The following TOX3 variants were observed in gnomAD, a reference collection of about 807,000 sequenced individuals.
TOX3 encodes the protein TOX high mobility group box family member 3, also known as CAG trinucleotide repeat-containing gene F9 protein.
Under a neutral mutation model 64.3 loss-of-function variants are expected in TOX3, and 22 were observed. The observed-to-expected ratio is 0.34, with a 90% confidence interval of 0.24 to 0.49. TOX3 has a LOEUF of 0.49. TOX3 is among the 20% of genes least tolerant of loss of function. The pLI is 0.99. For missense variants in TOX3, 661 were observed against 714.4 expected, an observed-to-expected ratio of 0.93 and a Z score of 0.85; for synonymous variants, 291 against 273.6, an observed-to-expected ratio of 1.06 and a Z score of -0.63.
Position 52,491,105 on chromosome 16 carries a change from A to G in TOX3, c.88-22531T>C, listed in dbSNP as rs1467380990. Among the ~76,000 whole-genome samples the G allele has an allele frequency of 2.6e-5, 4 of 152,196 alleles. No homozygotes were observed. The East Asian group carries it at 7.7e-4, about 29-fold the overall frequency. On this transcript the variant is annotated intron_variant, in intron 1 of 6. Transcript: ENST00000219746. ...TTAAAACTCTTTTCCTCATTGAAGG[A>G]AAAAGCCATTTACAAATCAACATCA...
At chr16:52,462,812 C>T (rs1960731356) in intron 3 of TOX3, among the ~76,000 whole-genome samples, 1 of 151,682 alleles carries the variant, frequency 6.6e-6, no homozygotes, top group Non-Finnish European at 1.5e-5. Context: ...ATGACTATTT[C>T]CCGACTGTTC....
chr16:52,485,113 GTA>G (rs1302383715), intron 1 of TOX3, among the ~76,000 whole-genome samples: 8 of 144,524 alleles, frequency 5.5e-5, no homozygotes, highest in Admixed American at 4.1e-4. Context: ...ACACATGTAT[GTA>G]TATATGTGTG....
chr16:52,468,480 G>A (rs1332197338), intron 2 of TOX3, 29 bp downstream of exon 2: 3 of 1,599,688 alleles, frequency 1.9e-6, no homozygotes, highest in East Asian at 4.5e-5. Context: ...ACAAAAAACA[G>A]GAACAAACAC....
chr16:52,529,469 C>A (rs998550226), intron 1 of TOX3, among the ~76,000 whole-genome samples: 1 of 152,050 alleles, frequency 6.6e-6, no homozygotes, highest in African/African-American at 2.4e-5. Flanking sequence ...TTATTCATAG[C>A]CTGCCTTTCT....
chr16:52,535,319 C>A (rs1156375354), intron 1 of TOX3, among the ~76,000 whole-genome samples: 1 of 152,070 alleles, frequency 6.6e-6, no homozygotes, highest in Non-Finnish European at 1.5e-5. Context: ...TCCTGAGTAC[C>A]CAAGTGTGGC....
chr16:52,521,323 G>C (rs1315540609), intron 1 of TOX3, among the ~76,000 whole-genome samples: 1 of 152,120 alleles, frequency 6.6e-6, no homozygotes, highest in African/African-American at 2.4e-5. Flanking sequence ...TAGAAGCCCA[G>C]TACCACCTGC....
chr16:52,442,128 G>T (rs183033484), intron 6 of TOX3, among the ~76,000 whole-genome samples: 11 of 152,320 alleles, frequency 7.2e-5, no homozygotes, highest in Admixed American at 7.2e-4. Flanking sequence ...AATGGAGATG[G>T]GTGGATGATT....
At chr16:52,475,448 G>T (rs571729080) in intron 1 of TOX3, 1 of 152,128 alleles carries the variant, frequency 6.6e-6, no homozygotes, top group Non-Finnish European at 1.5e-5. Flanking sequence ...TAACATTAAG[G>T]CTTCTGTGTT....
In TOX3 at chr16:52,547,011, C is replaced by G; in HGVS notation, c.-288G>C. On this transcript the variant is annotated 5_prime_UTR_variant, in exon 1 of 7. Coordinates refer to ENST00000219746, the MANE Select transcript of TOX3 (RefSeq NM_001080430.4). ...CGGGCCGGGCGCCGGGGGCGCGGGG[C>G]GCGGCGCTGGGGCCCGGGTCGGCGA... 1 of 944,994 alleles carries G rather than the reference C, an allele frequency of 1.1e-6. No individual in the cohort carries two copies. Among genetic ancestry groups the G allele is most frequent in the South Asian group, 4.7e-5 (1 of 21,460 alleles). 58.5% of individuals were successfully genotyped at this position (944,994 alleles called of 1,614,324 possible).
Position 52,446,181 on chromosome 16 carries a change from T to C in TOX3, c.719A>G (p.Lys240Arg). The C allele has an allele frequency of 6.2e-7, 1 of 1,613,962 alleles. No homozygotes were observed. The highest frequency in any genetic ancestry group is 8.5e-7 in the Non-Finnish European group (1 of 1,179,858). The change falls in exon 5 of 7, where the codon AAG (lysine) becomes AGG (arginine). Residue 240 changes from lysine (K) to arginine (R), a missense_variant. Coordinates refer to ENST00000219746, the MANE Select transcript of TOX3 (RefSeq NM_001080430.4). ...EKRAAPDSGK[K>R]PKTPKKKKKK... ...TTTCTTTTTCTTTGGAGTCTTGGGCTTCTTGCCAGAGTCTGGAGCAGCTCT... is the reference window on the plus strand; with the variant it reads ...TTTCTTTTTCTTTGGAGTCTTGGGCCTCTTGCCAGAGTCTGGAGCAGCTCT...
At chr16:52,526,566 C>T (rs1962731726) in intron 1 of TOX3, among the ~76,000 whole-genome samples, 1 of 151,978 alleles carries the variant, frequency 6.6e-6, no homozygotes, top group Non-Finnish European at 1.5e-5. Flanking sequence ...TGGGGGAGGG[C>T]TGGTTAGAGG....
At chr16:52,458,305 T>C (rs1209361232) in intron 3 of TOX3, among the ~76,000 whole-genome samples, 1 of 152,114 alleles carries the variant, frequency 6.6e-6, no homozygotes, top group Non-Finnish European at 1.5e-5. Context: ...GCTTCTATTC[T>C]GGTAGGGAGG....
At chr16:52,466,795 A>G (rs1960880062) in intron 2 of TOX3, among the ~76,000 whole-genome samples, 1 of 152,202 alleles carries the variant, frequency 6.6e-6, no homozygotes, top group African/African-American at 2.4e-5. Context: ...AGAAAATGTT[A>G]AAATGTTAAA....
At chr16:52,519,574 TCCTAGC>T in intron 1 of TOX3, 2 of 1,472,868 alleles carry the variant, frequency 1.4e-6, no homozygotes, top group Non-Finnish European at 9.0e-7. Context: ...GAGAAATGCA[TCCTAGC>T]TGAGCAGACG....
chr16:52,446,200 C>A lies in TOX3; in HGVS notation c.700G>T (p.Ala234Ser). The change falls in exon 5 of 7, where the codon GCT becomes TCT. Residue 234 changes from alanine to serine, a missense_variant. Transcript: ENST00000219746. ...ANRAIGEKRA[A>S]PDSGKKPKTP... is the part of the protein sequence containing the mutation. ...TTGGGCTTCTTGCCAGAGTCTGGAG[C>A]AGCTCTTTTCTCTCCAATGGCCTGC... The A allele has an allele frequency of 6.2e-7, 1 of 1,613,458 alleles. No homozygotes were observed. The highest frequency in any genetic ancestry group is 1.1e-5 in the South Asian group (1 of 91,058).
Position 52,514,547 on chromosome 16 carries a change from G to A in TOX3, c.87+32090C>T, listed in dbSNP as rs568579767. ...TAAAAGCTGAGATAAGAACATTTTGGCAAGTTCAATAGAGCCGAAAGGCTT... is the reference window on the plus strand; with the variant it reads ...TAAAAGCTGAGATAAGAACATTTTGACAAGTTCAATAGAGCCGAAAGGCTT... On this transcript the variant is annotated intron_variant, in intron 1 of 6. Transcript: ENST00000219746. Among the ~76,000 whole-genome samples, 5 of 152,266 alleles carry A rather than the reference G, an allele frequency of 3.3e-5. No homozygotes were observed. In the South Asian group the frequency reaches 8.3e-4, roughly 25 times the overall value.
At chr16:52,491,950 C>G (rs1459252949) in intron 1 of TOX3, among the ~76,000 whole-genome samples, 2 of 151,994 alleles carry the variant, frequency 1.3e-5, no homozygotes, top group Non-Finnish European at 2.9e-5. Context: ...AAGCTGCGCT[C>G]GGGGCTACAC....
chr16:52,445,164 T>C (rs917716389), intron 5 of TOX3: 3 of 152,198 alleles, frequency 2.0e-5, no homozygotes, highest in Non-Finnish European at 4.4e-5. Context: ...ATTTCTAATG[T>C]TGCACCTTCC....
chr16:52,486,507 A>G (rs1442211551), intron 1 of TOX3, among the ~76,000 whole-genome samples: 1 of 152,190 alleles, frequency 6.6e-6, no homozygotes, highest in Non-Finnish European at 1.5e-5. Flanking sequence ...TGAAAACAGG[A>G]CGAACATGCA....
Sources: allele counts gnomAD v4.1 joint callset (sites outside exome capture counted in the v4.1 genomes callset), GRCh38; gene constraint gnomAD v4.1.1; transcripts MANE v1.5; gene names NCBI Gene and HGNC (gene_info 2026-07-23, HGNC 2026-07-21).